The following BRD4 variants were observed in gnomAD, a reference collection of about 807,000 sequenced individuals.
BRD4 encodes bromodomain containing 4.
BRD4 carries 16 observed loss-of-function variants against 142.1 expected under a neutral mutation model. The ratio of observed to expected loss-of-function variants is 0.11; its 90% CI spans 0.08 to 0.17. The LOEUF (loss-of-function observed/expected upper bound fraction) is 0.17. Among genes scored for constraint, BRD4 ranks in the 10% least tolerant of loss-of-function variants. The pLI, the probability that BRD4 is intolerant of heterozygous loss-of-function variation, is 1.00. For missense variants in BRD4, 1,424 were observed against 1,810.9 expected (o/e 0.79, Z 3.88); for synonymous variants, 833 against 707.5 (o/e 1.18, Z -2.82).
chr19:15,272,761 A>G (rs1199826957), intron 2 of BRD4, 54 bp downstream of exon 2: 1 of 1,538,616 alleles, frequency 6.5e-7, no homozygotes. Flanking sequence ...ACCAGGAGAC[A>G]TGCAGGAGAC....
chr19:15,243,127 TGGGGTGGTG>T lies in BRD4; in HGVS notation c.2933_2941del (p.Pro978_Pro980del), dbSNP rs758265124. 278 of 207,138 alleles carry T rather than the reference TGGGGTGGTG, an allele frequency of 1.3e-3. 1 individual carries two copies. In the East Asian group the frequency reaches 0.023, roughly 17 times the overall value. The allele number at this position is 207,138 out of a possible 1,614,324, so 12.8% of individuals were successfully genotyped here. A position where few individuals can be genotyped will look rare whatever the true frequency, so the allele number is the denominator to read the frequency against. On this transcript the variant is annotated inframe_deletion, in exon 14 of 20. Transcript: ENST00000679869. ...CTGCTGCTGGGGTGGAGGCTGGGGC[TGGGGTGGTG>T]GGGGTGGTGGCGGCTGCTGCTGCAG...
In BRD4 at chr19:15,244,774, A is replaced by G; in HGVS notation, c.2159-12T>C. ...CTTCGGAGCCATCTCTGCAGAGGAA[A>G]AGAGAAGGTAGTGAGGCTCTGGGGG... On this transcript the variant is annotated splice_polypyrimidine_tract_variant and intron_variant, in intron 11 of 19. Transcript: ENST00000679869. 6 of 1,614,092 alleles carry G rather than the reference A, an allele frequency of 3.7e-6. No individual in the cohort carries two copies. Among genetic ancestry groups the G allele is most frequent in the Non-Finnish European group, 5.1e-6 (6 of 1,180,026 alleles).
intron 1 of BRD4, among the ~76,000 whole-genome samples, chr19:15,318,448 GAGAA>G (rs2048034386): frequency 6.6e-6 from 1 of 152,184 alleles, no homozygotes; most frequent in Non-Finnish European, 1.5e-5. Context: ...AGGATGTGAG[GAGAA>G]AGAGAGTGGC....
In BRD4 at chr19:15,257,135, C is replaced by T. The variant is rs556185089; in HGVS notation, c.1380G>A (p.Glu460=). ...ACACGGCCACCACTGGCTCCTCAGGCTCGTCCGGCATCTTGGCAAAGCGCA... is the reference window on the plus strand; with the variant it reads ...ACACGGCCACCACTGGCTCCTCAGGTTCGTCCGGCATCTTGGCAAAGCGCA... ...FEMRFAKMPD[E]PEEPVVAVSS... is the part of the protein sequence containing the mutation. Residue 460 remains glutamate (E), a synonymous_variant, in exon 8 of 20, where the codon GAG becomes GAA. Coordinates refer to ENST00000679869, the MANE Select transcript of BRD4 (RefSeq NM_001379291.1). 5 of 1,608,976 alleles carry T rather than the reference C, an allele frequency of 3.1e-6. No homozygotes were observed. Among genetic ancestry groups the T allele is most frequent in the Middle Eastern group, 2.0e-4 (1 of 4,950 alleles).
intron 1 of BRD4, chr19:15,280,318 C>T (rs200627363): frequency 1.4e-5 from 14 of 1,012,512 alleles, no homozygotes; most frequent in Non-Finnish European, 1.7e-5. Flanking sequence ...CTACACGGGT[C>T]TTTGGCTTGG....
At position 15,243,183 on chromosome 19, in the gene BRD4, G is replaced by T; in HGVS notation, c.2886C>A (p.Pro962=). The change falls in exon 14 of 20, where the codon CCC becomes CCA. Residue 962 remains proline (P), a synonymous_variant. Transcript: ENST00000679869. ...GCAGCTGCTGCTGCACAGAGGGGTG[G>T]GGTGGGGGCGGCAGGGGGGGTGGGG... The part of the protein sequence containing the change: ...SQPPPPLPPP[P]HPSVQQQLQQ... The T allele has an allele frequency of 3.7e-6, 4 of 1,083,912 alleles. No homozygotes were observed. In the African/African-American group the frequency reaches 5.0e-5, roughly 14 times the overall value. The allele number at this position is 1,083,912 out of a possible 1,614,324, so 67.1% of individuals were successfully genotyped here.
intron 1 of BRD4, among the ~76,000 whole-genome samples, chr19:15,279,638 G>C (rs1005330816): frequency 6.6e-6 from 1 of 152,168 alleles, no homozygotes; most frequent in Admixed American, 6.5e-5. Flanking sequence ...CAGACATGCA[G>C]GGCAGGCTTA....
At chr19:15,280,021 C>T (rs902061010) in intron 1 of BRD4, among the ~76,000 whole-genome samples, 1 of 152,144 alleles carries the variant, frequency 6.6e-6, no homozygotes, top group Non-Finnish European at 1.5e-5. Flanking sequence ...AGACCTGCAC[C>T]AGGGCCTAGA....
Position 15,239,434 on chromosome 19 carries a change from G to A in BRD4, c.3534C>T (p.Asp1178=). 2 of 1,614,166 alleles carry A rather than the reference G, an allele frequency of 1.2e-6. No individual in the cohort carries two copies. The highest frequency in any genetic ancestry group is 8.5e-7 in the Non-Finnish European group (1 of 1,180,040). Residue 1178 remains aspartate (D), a synonymous_variant, in exon 17 of 20, where the codon GAC becomes GAT. Transcript: ENST00000679869. This position sits in a 1 kb window ranked among gnomAD's most constrained non-coding sequence, Gnocchi z 7.4. ...NAPPPGAPDK[D]KQKQEPKTPV... ...GAGTCTTCGGCTCCTGTTTCTGTTT[G>A]TCCTTGTCAGGGGCCCCTGGTGGCG...
intron 1 of BRD4, among the ~76,000 whole-genome samples, chr19:15,300,624 A>G (rs2047859387): frequency 6.6e-6 from 1 of 151,444 alleles, no homozygotes; most frequent in Non-Finnish European, 1.5e-5. Flanking sequence ...AAGACAAAAT[A>G]AAAAGATAAA....
chr19:15,265,477 C>T lies in BRD4; in HGVS notation c.726G>A (p.Val242=). The change falls in exon 5 of 20, where the codon GTG becomes GTA. Residue 242 remains valine (V), a synonymous_variant. Coordinates refer to ENST00000679869, the MANE Select transcript of BRD4 (RefSeq NM_001379291.1). ...LIVQTPVMTV[V]PPQPLQTPPP... is the part of the protein sequence containing the mutation. ...GGGGCGTCTGCAGTGGCTGGGGAGG[C>T]ACCACTGTCATGACAGGGGTCTGGA... is the stretch of plus-strand genomic sequence containing the variant. 1 of 1,602,622 alleles carries T rather than the reference C, an allele frequency of 6.2e-7. No homozygotes were observed. The highest frequency in any genetic ancestry group is 8.5e-7 in the Non-Finnish European group (1 of 1,173,780).
intron 14 of BRD4, among the ~76,000 whole-genome samples, chr19:15,240,409 C>T (rs1013420025): frequency 1.3e-5 from 2 of 152,162 alleles, no homozygotes; most frequent in African/African-American, 4.8e-5. Flanking sequence ...GGCCCTAATA[C>T]TTTTTAAACC....
In BRD4 at chr19:15,331,240, CTAA is replaced by C. The variant is rs2048154819; in HGVS notation, c.-35+1047_-35+1049del. Among the ~76,000 whole-genome samples, 3 of 152,302 alleles carry C rather than the reference CTAA, an allele frequency of 2.0e-5. No individual in the cohort carries two copies. The East Asian group carries it at 5.8e-4, about 29-fold the overall frequency. ...CACATGACTCATGCACCGGCCTGAACTAAAGTATTTACACCGTCCACTACAACA... is the reference window on the plus strand; with the variant it reads ...CACATGACTCATGCACCGGCCTGAACAGTATTTACACCGTCCACTACAACA... On this transcript the variant is annotated intron_variant, in intron 1 of 19. Coordinates refer to ENST00000679869, the MANE Select transcript of BRD4 (RefSeq NM_001379291.1).
intron 3 of BRD4, 114 bp downstream of exon 3, chr19:15,268,791 A>C: frequency 8.3e-7 from 1 of 1,211,022 alleles, no homozygotes; most frequent in Non-Finnish European, 1.2e-6. Flanking sequence ...CTCTTGCCAG[A>C]CTCCAAGCCC....
intron 1 of BRD4, among the ~76,000 whole-genome samples, chr19:15,298,722 T>C (rs1299961780): frequency 6.8e-6 from 1 of 146,768 alleles, no homozygotes; most frequent in Non-Finnish European, 1.5e-5. Flanking sequence ...AGAAATTCTA[T>C]ACAGCTTCCC....
intron 5 of BRD4, 124 bp downstream of exon 5, chr19:15,265,230 C>T: frequency 2.1e-5 from 21 of 1,000,360 alleles, no homozygotes; most frequent in Non-Finnish European, 2.8e-5. Flanking sequence ...TTCAACACAG[C>T]AAGATCTCCC....
At chr19:15,255,256 G>T (rs762473107) in intron 10 of BRD4, 41 bp downstream of exon 10, 1 of 1,570,942 alleles carries the variant, frequency 6.4e-7, no homozygotes, top group African/African-American at 1.4e-5. Context: ...CTCTGAGGGT[G>T]CCCACAGAAG....
chr19:15,310,799 AC>A (rs935030937), intron 1 of BRD4, among the ~76,000 whole-genome samples: 55 of 151,722 alleles, frequency 3.6e-4, no homozygotes, highest in Admixed American at 3.4e-3. Flanking sequence ...CTGGCCTTAA[AC>A]AGTCCTTTAG....
intron 1 of BRD4, among the ~76,000 whole-genome samples, chr19:15,285,303 A>G (rs1049314478): frequency 4.6e-5 from 7 of 152,216 alleles, no homozygotes; most frequent in Non-Finnish European, 5.9e-5. Context: ...GGAACGCCTC[A>G]CCACCTTTCT....
Sources: allele counts gnomAD v4.1 joint callset (sites outside exome capture counted in the v4.1 genomes callset), GRCh38; gene constraint gnomAD v4.1.1; non-coding constraint Gnocchi (gnomAD v3.1); transcripts MANE v1.5; gene names NCBI Gene and HGNC (gene_info 2026-07-23, HGNC 2026-07-21).